MED14: variants seen among roughly 807,000 people sequenced by gnomAD.
The protein encoded by MED14 is mediator complex subunit 14.
A neutral mutation model predicts 109.0 loss-of-function variants in MED14; 8 were observed. The ratio of observed to expected loss-of-function variants is 0.07; its 90% CI spans 0.04 to 0.13. The LOEUF is 0.13. Among genes scored for constraint, MED14 ranks in the 10% least tolerant of loss-of-function variants. The probability of loss-of-function intolerance (pLI) is 1.00; values close to 1 mark genes in which losing one functional copy is unlikely to be tolerated. For missense variants in MED14, 711 were observed against 1,142.4 expected (o/e 0.62, Z 5.44); for synonymous variants, 399 against 408.7 (o/e 0.98, Z 0.29).
chrX:40,703,362 C>T, intron 11 of MED14, 82 bp downstream of exon 11: 1 of 880,005 alleles, frequency 1.1e-6, no homozygotes, highest in Non-Finnish European at 1.6e-6. Context: ...CTTTCTAATA[C>T]CTAATGACAG....
intron 18 of MED14, 86 bp from the exon 19 acceptor site, chrX:40,682,029 T>C: frequency 2.3e-6 from 1 of 433,425 alleles, no homozygotes; most frequent in Non-Finnish European, 3.9e-6. Flanking sequence ...ATTTTGGCAA[T>C]ATTATATGCC....
intron 3 of MED14, among the ~76,000 whole-genome samples, chrX:40,719,351 T>C (rs1931639691): frequency 8.9e-6 from 1 of 111,956 alleles, no homozygotes; most frequent in Non-Finnish European, 1.9e-5. Context: ...CAGTTGGACA[T>C]GACTATCTAC....
At chrX:40,675,139 T>C in intron 22 of MED14, 82 bp downstream of exon 22, 1 of 923,731 alleles carries the variant, frequency 1.1e-6, no homozygotes, top group Non-Finnish European at 1.4e-6. Flanking sequence ...GACCTCCTTG[T>C]CTTTCAATGA....
chrX:40,709,885 T>G, intron 9 of MED14, 94 bp downstream of exon 9: 1 of 539,277 alleles, frequency 1.9e-6, no homozygotes, highest in Middle Eastern at 5.0e-4. Flanking sequence ...TTAGGAAGAA[T>G]TAGATATTTT....
Position 40,680,916 on chromosome X carries a change from T to C in MED14, c.2458-6A>G. 1.9e-5 allele frequency: 20 copies of C among 1,073,084 alleles called. No individual in the cohort carries two copies. The highest frequency in any genetic ancestry group is 2.5e-5 in the Non-Finnish European group (20 of 792,536). 88.4% of individuals were successfully genotyped at this position (1,073,084 alleles called of 1,213,427 possible). On this transcript the variant is annotated splice_polypyrimidine_tract_variant and splice_region_variant and intron_variant, in intron 19 of 30. Coordinates refer to ENST00000324817, the MANE Select transcript of MED14 (RefSeq NM_004229.4). ...GAATTCCATTGGATACTAATCTAAA[T>C]AAAAAAGATTACATGTTTCAGAAAC...
intron 30 of MED14, chrX:40,653,841 C>G (rs1445173529): frequency 8.8e-6 from 1 of 114,010 alleles, no homozygotes; most frequent in Admixed American, 9.1e-5. Flanking sequence ...CCACCTGACA[C>G]TTATATAAGA....
At chrX:40,673,908 A>G (rs1929822077) in intron 22 of MED14, among the ~76,000 whole-genome samples, 1 of 110,173 alleles carries the variant, frequency 9.1e-6, no homozygotes, top group African/African-American at 3.3e-5. Context: ...GGAGAGGGAG[A>G]GAATAATGGA....
In MED14 at chrX:40,688,500, C is replaced by G; in HGVS notation, c.2011G>C (p.Val671Leu). ...CTGAAGCCATCACCTTCCACTTGCACTCCTTGATGTGGAATCTCCAGATTG... is the reference window on the plus strand; with the variant it reads ...CTGAAGCCATCACCTTCCACTTGCAGTCCTTGATGTGGAATCTCCAGATTG... ...LSNLEIPHQG[V>L]QVEGDGFSHA... The change falls in exon 16 of 31, where the codon GTG becomes CTG. Residue 671 changes from valine (V) to leucine (L), a missense_variant. Physicochemically the swap from Val to Leu is conservative, Grantham distance 32. Transcript: ENST00000324817. The G allele has an allele frequency of 8.3e-7, 1 of 1,204,315 alleles. No individual in the cohort carries two copies. Among genetic ancestry groups the G allele is most frequent in the Non-Finnish European group, 1.1e-6 (1 of 888,508 alleles).
chrX:40,665,216 G>T (rs1929429942), intron 24 of MED14, among the ~76,000 whole-genome samples: 1 of 111,438 alleles, frequency 9.0e-6, no homozygotes, highest in African/African-American at 3.3e-5. Flanking sequence ...TAACTGGGAG[G>T]TATAAAATAA....
intron 21 of MED14, among the ~76,000 whole-genome samples, chrX:40,678,175 T>C (rs1237856095): frequency 9.0e-6 from 1 of 111,474 alleles, no homozygotes; most frequent in Non-Finnish European, 1.9e-5. Context: ...CTTTCATCCT[T>C]TTGCAGATTC....
At chrX:40,659,678 C>T in intron 26 of MED14, 71 bp from the exon 27 acceptor site, 4 of 1,046,375 alleles carry the variant, frequency 3.8e-6, no homozygotes, top group Non-Finnish European at 5.1e-6. Context: ...GAGAATTGTT[C>T]CAAAAGGAAA....
chrX:40,688,275 G>A (rs951557790), intron 16 of MED14, among the ~76,000 whole-genome samples, 179 bp downstream of exon 16: 2 of 111,735 alleles, frequency 1.8e-5, no homozygotes, highest in African/African-American at 6.5e-5. Context: ...ACCAAGTGAT[G>A]CTGGATTGCC....
At chrX:40,708,748 G>C (rs1475017851) in intron 10 of MED14, among the ~76,000 whole-genome samples, 1 of 111,507 alleles carries the variant, frequency 9.0e-6, no homozygotes, top group Non-Finnish European at 1.9e-5. Flanking sequence ...ATTAAACTTG[G>C]AAGATTTTTC....
chrX:40,684,926 T>C (rs762033479), intron 16 of MED14, among the ~76,000 whole-genome samples: 61 of 111,742 alleles, frequency 5.5e-4, no homozygotes, highest in African/African-American at 2.0e-3. Flanking sequence ...AATAGTTACT[T>C]GCTTTTAAGG....
chrX:40,663,132 A>G lies in MED14; in HGVS notation c.3477T>C (p.Pro1159=). ...AGCGCTGAGGTAGTTTACGAGGTGGAGGCATGTTTGTTGGCATTGTTTGAG... is the reference window on the plus strand; with the variant it reads ...AGCGCTGAGGTAGTTTACGAGGTGGGGGCATGTTTGTTGGCATTGTTTGAG... ...TSSQTMPTNM[P]PPRKLPQRSW... The change falls in exon 26 of 31, where the codon CCT becomes CCC. Residue 1159 remains proline (P), a synonymous_variant. Transcript: ENST00000324817. 8.3e-7 allele frequency: 1 copy of G among 1,210,959 alleles called. No individual in the cohort carries two copies.
intron 3 of MED14, among the ~76,000 whole-genome samples, chrX:40,718,524 GA>G (rs1201822356): frequency 8.9e-6 from 1 of 112,355 alleles, no homozygotes; most frequent in East Asian, 2.8e-4. Context: ...CTTGAACTTA[GA>G]AATACAATTA....
At chrX:40,691,371 C>A (rs1930493256) in intron 15 of MED14, among the ~76,000 whole-genome samples, 1 of 111,931 alleles carries the variant, frequency 8.9e-6, no homozygotes, top group Non-Finnish European at 1.9e-5. Flanking sequence ...ATCAACTAAC[C>A]ATCTCTAATA....
At chrX:40,659,397 A>T in intron 27 of MED14, 31 bp downstream of exon 27, 3 of 1,183,689 alleles carry the variant, frequency 2.5e-6, no homozygotes, top group Non-Finnish European at 3.4e-6. Flanking sequence ...TTCATTAATT[A>T]TATTCAAATT....
chrX:40,659,697 G>A, intron 26 of MED14, 90 bp from the exon 27 acceptor site: 2 of 895,227 alleles, frequency 2.2e-6, no homozygotes, highest in South Asian at 2.7e-5. Flanking sequence ...AAACCACTAA[G>A]TTGATACCTA....
Sources: allele counts gnomAD v4.1 joint callset (sites outside exome capture counted in the v4.1 genomes callset), GRCh38; gene constraint gnomAD v4.1.1; transcripts MANE v1.5; gene names NCBI Gene and HGNC (gene_info 2026-07-23, HGNC 2026-07-21).